The following ANXA10 variants were observed in gnomAD, a reference collection of about 807,000 sequenced individuals.
ANXA10 encodes annexin A10, also known as annexin 14.
A neutral mutation model predicts 53.5 loss-of-function variants in ANXA10; 49 were observed. The ratio of observed to expected loss-of-function variants is 0.92; its 90% CI spans 0.73 to 1.16. The LOEUF (loss-of-function observed/expected upper bound fraction) is 1.16, where lower values mean the gene tolerates loss of function less well. Ranked by LOEUF, ANXA10 falls within the 50% of genes most tolerant of loss-of-function variation. ANXA10 has a pLI of 0.00. For synonymous variants in ANXA10, 131 were observed against 128.9 expected, an observed-to-expected ratio of 1.02 and a Z score of -0.11; for missense variants, 393 against 394.4, an observed-to-expected ratio of 1.00 and a Z score of 0.03.
At chr4:168,151,782 T>G (rs890825167) in intron 3 of ANXA10, among the ~76,000 whole-genome samples, 1 of 152,240 alleles carries the variant, frequency 6.6e-6, no homozygotes, top group Non-Finnish European at 1.5e-5. Context: ...TCCAGTGTCC[T>G]GATAATAGCA....
chr4:168,097,922 A>G (rs1234508082), intron 1 of ANXA10, among the ~76,000 whole-genome samples: 1 of 152,140 alleles, frequency 6.6e-6, no homozygotes, highest in Non-Finnish European at 1.5e-5. Context: ...GAAGACTTCA[A>G]TTTGTAGAAT....
At chr4:168,155,547 A>AC (rs1491353111) in intron 3 of ANXA10, among the ~76,000 whole-genome samples, 1 of 37,162 alleles carries the variant, frequency 2.7e-5, no homozygotes, top group Admixed American at 4.8e-4. Context: ...TATATATTAT[A>AC]AAATATATAA....
intron 1 of ANXA10, among the ~76,000 whole-genome samples, chr4:168,124,254 A>T (rs1366890914): frequency 6.6e-6 from 1 of 152,208 alleles, no homozygotes; most frequent in Non-Finnish European, 1.5e-5. Flanking sequence ...AACATCTTGT[A>T]TAGACGGTCG....
At chr4:168,150,871 A>C (rs1310405164) in intron 3 of ANXA10, among the ~76,000 whole-genome samples, 1 of 152,170 alleles carries the variant, frequency 6.6e-6, no homozygotes, top group Non-Finnish European at 1.5e-5. Context: ...AACCACAAAA[A>C]GGAGAGGCAG....
intron 10 of ANXA10, among the ~76,000 whole-genome samples, chr4:168,182,884 T>TGA (rs1732282888): frequency 6.7e-6 from 1 of 149,480 alleles, no homozygotes; most frequent in Non-Finnish European, 1.5e-5. Context: ...GTTGCAGGCA[T>TGA]CTGTAGTTCC....
At chr4:168,148,292 G>C (rs937998018) in intron 3 of ANXA10, among the ~76,000 whole-genome samples, 3 of 151,704 alleles carry the variant, frequency 2.0e-5, no homozygotes, top group African/African-American at 7.3e-5. Context: ...TCAGCCTCCT[G>C]AGTAGCTGGG....
intron 3 of ANXA10, 32 bp from the exon 4 acceptor site, chr4:168,162,496 T>C: frequency 6.7e-7 from 1 of 1,503,278 alleles, no homozygotes; most frequent in South Asian, 1.1e-5. Context: ...TTTGGTAACA[T>C]ATAATAAATA....
intron 11 of ANXA10, 79 bp from the exon 12 acceptor site, chr4:168,187,287 T>G (rs1171896649): frequency 4.4e-6 from 4 of 907,556 alleles, no homozygotes; most frequent in Non-Finnish European, 6.5e-6. Flanking sequence ...TCTTTCATAG[T>G]GCAGTCCAGA....
rs1284842199 is a variant in ANXA10, at chr4:168,184,054, A to G, written c.784-505A>G. 2.6e-5 allele frequency among the ~76,000 whole-genome samples: 4 copies of G among 152,222 alleles called. No homozygotes were observed. The East Asian group carries it at 7.7e-4, about 29-fold the overall frequency. On this transcript the variant is annotated intron_variant, in intron 10 of 11. Coordinates refer to ENST00000359299, the MANE Select transcript of ANXA10 (RefSeq NM_007193.5). ...GAATCACCTAGAATTCTAATTTTTT[A>G]TAATTTATCAATGATGACAAGAAAA... is the stretch of plus-strand genomic sequence containing the variant.
chr4:168,160,485 T>C (rs1274955119), intron 3 of ANXA10, among the ~76,000 whole-genome samples: 3 of 152,162 alleles, frequency 2.0e-5, no homozygotes, highest in Non-Finnish European at 2.9e-5. Context: ...TGATTATGTA[T>C]CTTTGCTATT....
At chr4:168,177,180 G>A (rs1732146884) in intron 6 of ANXA10, among the ~76,000 whole-genome samples, 1 of 152,080 alleles carries the variant, frequency 6.6e-6, no homozygotes, top group Admixed American at 6.5e-5. Flanking sequence ...GGAATCAATG[G>A]ACCCTGCATT....
At chr4:168,182,086 A>G (rs1732259957) in intron 10 of ANXA10, among the ~76,000 whole-genome samples, 1 of 152,200 alleles carries the variant, frequency 6.6e-6, no homozygotes, top group Non-Finnish European at 1.5e-5. Context: ...AACATATGGC[A>G]TTAAGCAGAA....
chr4:168,103,989 G>A (rs1456268415), intron 1 of ANXA10, among the ~76,000 whole-genome samples: 13 of 151,878 alleles, frequency 8.6e-5, no homozygotes, highest in Non-Finnish European at 5.9e-5. Context: ...GCGCTGGAAA[G>A]GGAGGTGAAG....
chr4:168,142,195 G>A (rs1216611365), intron 3 of ANXA10, among the ~76,000 whole-genome samples: 1 of 152,004 alleles, frequency 6.6e-6, no homozygotes, highest in Non-Finnish European at 1.5e-5. Flanking sequence ...GGCTCCCCTT[G>A]AGTAACCCGC....
chr4:168,149,463 C>T (rs1731460207), intron 3 of ANXA10, among the ~76,000 whole-genome samples: 1 of 152,108 alleles, frequency 6.6e-6, no homozygotes, highest in African/African-American at 2.4e-5. Flanking sequence ...AGTCTGTTAA[C>T]TTTTTTTCAT....
At chr4:168,106,884 C>T (rs1730728341) in intron 1 of ANXA10, among the ~76,000 whole-genome samples, 1 of 152,036 alleles carries the variant, frequency 6.6e-6, no homozygotes. Context: ...CTTCTCTTCC[C>T]AATCAGAAAA....
Position 168,187,365 on chromosome 4 carries a change from G to A in ANXA10, c.907-1G>A. The A allele has an allele frequency of 1.3e-6, 2 of 1,577,820 alleles. No homozygotes were observed. Among genetic ancestry groups the A allele is most frequent in the Non-Finnish European group, 1.7e-6 (2 of 1,159,312 alleles). On this transcript the variant is annotated splice_acceptor_variant, in intron 11 of 11. Coordinates refer to ENST00000359299, the MANE Select transcript of ANXA10 (RefSeq NM_007193.5). LOFTEE classifies it high-confidence loss of function. Reference sequence around the variant, plus strand: ...CAAATATATTATATTTTTCTTTTCAGAATTTTGCTTCAGGGCATTATAAGA... The same window carrying A: ...CAAATATATTATATTTTTCTTTTCAAAATTTTGCTTCAGGGCATTATAAGA...
intron 1 of ANXA10, among the ~76,000 whole-genome samples, chr4:168,121,891 G>A (rs1477767420): frequency 1.3e-5 from 2 of 151,784 alleles, no homozygotes; most frequent in African/African-American, 2.4e-5. Flanking sequence ...TCTCCCAGGC[G>A]GGAGTGCAGT....
At chr4:168,131,299 T>C (rs918381609) in intron 2 of ANXA10, among the ~76,000 whole-genome samples, 5 of 152,060 alleles carry the variant, frequency 3.3e-5, no homozygotes, top group Non-Finnish European at 2.9e-5. Flanking sequence ...TTTCTGTTAC[T>C]GATTTCTAGT....
Sources: gnomAD v4.1 joint callset for allele counts (sites outside exome capture counted in the v4.1 genomes callset) on GRCh38, gnomAD v4.1.1 for gene constraint, MANE v1.5 for transcripts, NCBI Gene and HGNC (gene_info 2026-07-23, HGNC 2026-07-21) for gene names.